The following CRTAC1 variants were observed in gnomAD, a reference collection of about 807,000 sequenced individuals.
CRTAC1 encodes acidic secreted protein in cartilage.
A neutral mutation model predicts 67.8 loss-of-function variants in CRTAC1; 37 were observed. The observed-to-expected ratio is 0.55, with a 90% confidence interval of 0.42 to 0.72. The LOEUF is 0.72. CRTAC1 is among the 30% of genes least tolerant of loss of function. CRTAC1 has a pLI of 0.00. For missense variants in CRTAC1, 780 were observed against 931.6 expected, an observed-to-expected ratio of 0.84 and a Z score of 2.12; for synonymous variants, 348 against 371.0, an observed-to-expected ratio of 0.94 and a Z score of 0.71.
intron 2 of CRTAC1, among the ~76,000 whole-genome samples, chr10:97,936,981 T>C (rs1385300250): frequency 4.6e-5 from 7 of 152,222 alleles, no homozygotes; most frequent in African/African-American, 1.4e-4. Flanking sequence ...GGCTTTGTTG[T>C]TGAGGTTTGA....
chr10:97,912,961 T>C, intron 5 of CRTAC1, among the ~76,000 whole-genome samples: 1 of 152,188 alleles, frequency 6.6e-6, no homozygotes, highest in Non-Finnish European at 1.5e-5. Flanking sequence ...GACTCTGAGG[T>C]GAGGCCCCTC....
chr10:98,012,556 G>GA (rs5787266), intron 1 of CRTAC1, among the ~76,000 whole-genome samples: 83,612 of 152,036 alleles, frequency 0.55, 23,976 homozygotes, highest in African/African-American at 0.68. Flanking sequence ...TGGCAGCCAA[G>GA]GCAAGGCTGA....
chr10:98,022,311 C>T (rs904573474), intron 1 of CRTAC1, among the ~76,000 whole-genome samples: 2 of 151,508 alleles, frequency 1.3e-5, no homozygotes, highest in East Asian at 1.9e-4. Context: ...GCCGAGATCA[C>T]GCCATTGCAC....
intron 2 of CRTAC1, among the ~76,000 whole-genome samples, chr10:98,009,152 C>T (rs1423366015): frequency 6.6e-6 from 1 of 152,184 alleles, no homozygotes; most frequent in Non-Finnish European, 1.5e-5. Context: ...ATATTCAGCT[C>T]TTTAGTTTTT....
chr10:98,023,888 C>A (rs1192275165), intron 1 of CRTAC1, among the ~76,000 whole-genome samples: 2 of 152,210 alleles, frequency 1.3e-5, no homozygotes, highest in African/African-American at 2.4e-5. Flanking sequence ...GAGGACAAGA[C>A]CAGGGTCAGA....
At chr10:97,885,544 T>C (rs2050270753) in intron 11 of CRTAC1, among the ~76,000 whole-genome samples, 1 of 152,202 alleles carries the variant, frequency 6.6e-6, no homozygotes, top group Admixed American at 6.5e-5. Context: ...TGAAAAGATT[T>C]GTCAGATGTT....
rs563410232 is a variant in CRTAC1, at chr10:98,010,557, A to T, written c.224+581T>A. Among the ~76,000 whole-genome samples the T allele has an allele frequency of 4.6e-5, 7 of 152,308 alleles. No individual in the cohort carries two copies. The South Asian group carries it at 1.5e-3, about 32-fold the overall frequency. On this transcript the variant is annotated intron_variant, in intron 2 of 14. Coordinates refer to ENST00000370597, the MANE Select transcript of CRTAC1 (RefSeq NM_018058.7). ...TCAGGCTATTTGGATTCCTAGTCTTATGCTTTTTTTGCAACCCAATGTTGG... is the reference window on the plus strand; with the variant it reads ...TCAGGCTATTTGGATTCCTAGTCTTTTGCTTTTTTTGCAACCCAATGTTGG...
chr10:97,967,321 A>G (rs1000625266), intron 2 of CRTAC1, among the ~76,000 whole-genome samples: 9 of 152,128 alleles, frequency 5.9e-5, no homozygotes, highest in Non-Finnish European at 1.2e-4. Flanking sequence ...TCATCCCATC[A>G]TGGCGGCTTT....
intron 5 of CRTAC1, among the ~76,000 whole-genome samples, chr10:97,913,135 A>T (rs548539628): frequency 1.8e-4 from 27 of 150,990 alleles, no homozygotes; most frequent in East Asian, 5.8e-4. Context: ...AGAGAGAGAG[A>T]GTGTGTGTGT....
In CRTAC1 at chr10:98,002,152, A is replaced by G. The variant is rs147802162; in HGVS notation, c.224+8986T>C. ...CTTAAAAAAAATGGGAATAAGAGAG[A>G]CTTCAAGGAAAGTGATTGGAGACAG... On this transcript the variant is annotated intron_variant, in intron 2 of 14. Transcript: ENST00000370597. Among the ~76,000 whole-genome samples the G allele has an allele frequency of 3.9e-3, 596 of 152,268 alleles. 2 individuals carry two copies. The highest frequency in any genetic ancestry group is 0.014 in the African/African-American group (563 of 41,552).
chr10:97,960,363 C>T (rs904139196), intron 2 of CRTAC1, among the ~76,000 whole-genome samples: 8 of 152,160 alleles, frequency 5.3e-5, no homozygotes, highest in Non-Finnish European at 7.3e-5. Flanking sequence ...ATATAAACAC[C>T]AGCCTCCTCC....
At chr10:97,926,107 G>C (rs917355305) in intron 3 of CRTAC1, among the ~76,000 whole-genome samples, 2 of 152,184 alleles carry the variant, frequency 1.3e-5, no homozygotes, top group Non-Finnish European at 2.9e-5. Context: ...CCGCTGAGTG[G>C]AGGCAGACCC....
intron 2 of CRTAC1, among the ~76,000 whole-genome samples, chr10:97,966,074 G>T (rs564207836): frequency 6.6e-6 from 1 of 152,274 alleles, no homozygotes; most frequent in Admixed American, 6.5e-5. Flanking sequence ...ACATAGGTAG[G>T]GAAAGCTGAT....
At position 97,908,144 on chromosome 10, in the gene CRTAC1, C is replaced by T; in HGVS notation, c.719G>A (p.Gly240Asp). 1 of 1,614,008 alleles carries T rather than the reference C, an allele frequency of 6.2e-7. No individual in the cohort carries two copies. The highest frequency in any genetic ancestry group is 8.5e-7 in the Non-Finnish European group (1 of 1,179,962). The change falls in exon 6 of 15, where the codon GGC (glycine) becomes GAC (aspartate). Residue 240 changes from glycine to aspartate, a missense_variant. Coordinates refer to ENST00000370597, the MANE Select transcript of CRTAC1 (RefSeq NM_018058.7). ...AEAGVSKYTGGRGVSVGPILS... is the reference protein window; with the variant it reads ...AEAGVSKYTGDRGVSVGPILS... ...GATGGGGCCCACGCTGACGCCTCGG[C>T]CCCCTAGAAAAGACATCGACCCACA...
At chr10:98,028,821 G>C (rs1220932219) in intron 1 of CRTAC1, among the ~76,000 whole-genome samples, 1 of 152,156 alleles carries the variant, frequency 6.6e-6, no homozygotes, top group African/African-American at 2.4e-5. Flanking sequence ...GCTGAAGCAG[G>C]TACCCTAGGA....
At chr10:98,000,029 C>T (rs1353531259) in intron 2 of CRTAC1, among the ~76,000 whole-genome samples, 1 of 152,166 alleles carries the variant, frequency 6.6e-6, no homozygotes, top group Admixed American at 6.5e-5. Flanking sequence ...GACAGGACAC[C>T]CTGGCTGCAG....
chr10:97,889,288 A>T (rs1475210219), intron 11 of CRTAC1, among the ~76,000 whole-genome samples: 2 of 140,726 alleles, frequency 1.4e-5, no homozygotes, highest in South Asian at 2.4e-4. Context: ...TGGGAAGTGG[A>T]GGGTGGGCAT....
rs142016971 is a variant in CRTAC1 at position 98,004,661 on chromosome 10, G to A, written c.224+6477C>T. Among the ~76,000 whole-genome samples, 10 of 151,858 alleles carry A rather than the reference G, an allele frequency of 6.6e-5. No homozygotes were observed. The East Asian group carries it at 1.4e-3, about 21-fold the overall frequency. ...GTCACAGATTAGAAACAGCTTAAACGTCACTTGAGGAATGGCAAAATGAAT... is the reference window on the plus strand; with the variant it reads ...GTCACAGATTAGAAACAGCTTAAACATCACTTGAGGAATGGCAAAATGAAT... On this transcript the variant is annotated intron_variant, in intron 2 of 14. Transcript: ENST00000370597.
In CRTAC1 at chr10:98,011,145, C is replaced by T. The variant is rs754661646; in HGVS notation, c.217G>A (p.Val73Met). ...AGGGTGGGAGGCACTTACCCCGCCA[C>T]GACGATCTCAAAGTCCCCATCATGG... Reference protein sequence around the residue: ...VDHDGDFEIVVAGYNGPNLVL... With the variant: ...VDHDGDFEIVMAGYNGPNLVL... Residue 73 changes from valine to methionine, a missense_variant, in exon 2 of 15, where the codon GTG becomes ATG. Physicochemically the swap from Val to Met is conservative, Grantham distance 21. Transcript: ENST00000370597. The T allele has an allele frequency of 2.5e-6, 4 of 1,613,946 alleles. No homozygotes were observed. The highest frequency in any genetic ancestry group is 1.7e-5 in the Admixed American group (1 of 60,004).
Sources: gnomAD v4.1 joint callset for allele counts (sites outside exome capture counted in the v4.1 genomes callset) on GRCh38, gnomAD v4.1.1 for gene constraint, MANE v1.5 for transcripts, NCBI Gene and HGNC (gene_info 2026-07-23, HGNC 2026-07-21) for gene names.